TMTC2: variants seen among roughly 807,000 people sequenced by gnomAD.
TMTC2 encodes transmembrane O-mannosyltransferase targeting cadherins 2, also known as protein O-mannosyl-transferase TMTC2.
A neutral mutation model predicts 82.4 loss-of-function variants in TMTC2; 43 were observed. The ratio of observed to expected loss-of-function variants is 0.52; its 90% CI spans 0.41 to 0.67. The LOEUF (loss-of-function observed/expected upper bound fraction) is 0.67. Ranked by LOEUF, TMTC2 falls within the 30% of genes least tolerant of loss-of-function variation. The pLI is 0.00. For missense variants in TMTC2, 919 were observed against 1,012.4 expected (o/e 0.91, Z 1.25); for synonymous variants, 408 against 381.9 (o/e 1.07, Z -0.80).
intron 1 of TMTC2, among the ~76,000 whole-genome samples, chr12:82,848,204 G>A (rs1030586319): frequency 6.6e-6 from 1 of 152,004 alleles, no homozygotes; most frequent in African/African-American, 2.4e-5. Context: ...CATCCCTCAA[G>A]CTTCATTCCA....
At chr12:82,864,813 C>A (rs1334104633) in intron 2 of TMTC2, among the ~76,000 whole-genome samples, 1 of 151,302 alleles carries the variant, frequency 6.6e-6, no homozygotes, top group Non-Finnish European at 1.5e-5. Flanking sequence ...CATTTTTTAT[C>A]ATTAAATAAA....
At chr12:82,739,355 A>G (rs1034595387) in intron 1 of TMTC2, among the ~76,000 whole-genome samples, 2 of 152,060 alleles carry the variant, frequency 1.3e-5, no homozygotes, top group Admixed American at 1.3e-4. Flanking sequence ...AGGTGTGGCC[A>G]TATGATTTAG....
At chr12:82,784,872 G>A (rs1015900284) in intron 1 of TMTC2, among the ~76,000 whole-genome samples, 6 of 145,792 alleles carry the variant, frequency 4.1e-5, no homozygotes, top group East Asian at 2.1e-4. Flanking sequence ...ATTTCCTTGC[G>A]TGTGTGTCTT....
Position 82,935,385 on chromosome 12 carries a change from T to G in TMTC2, c.1598+4840T>G, listed in dbSNP as rs1182080961. Among the ~76,000 whole-genome samples, 4 of 152,270 alleles carry G rather than the reference T, an allele frequency of 2.6e-5. No individual in the cohort carries two copies. In the East Asian group the frequency reaches 7.7e-4, roughly 29 times the overall value. On this transcript the variant is annotated intron_variant, in intron 4 of 11. Transcript: ENST00000321196. Reference sequence around the variant, plus strand: ...TCATGTTGTCAAATTTACTAAAATCTGATATTTCATACAAGAAATTATTAA... The same window carrying G: ...TCATGTTGTCAAATTTACTAAAATCGGATATTTCATACAAGAAATTATTAA...
intron 1 of TMTC2, among the ~76,000 whole-genome samples, chr12:82,768,549 A>G (rs566365725): frequency 3.9e-5 from 6 of 152,164 alleles, no homozygotes; most frequent in Non-Finnish European, 5.9e-5. Context: ...TTTGCCAAAC[A>G]CCTTTTATTT....
At chr12:82,901,438 A>G (rs1054971698) in intron 3 of TMTC2, among the ~76,000 whole-genome samples, 2 of 150,464 alleles carry the variant, frequency 1.3e-5, no homozygotes, top group Non-Finnish European at 3.0e-5. Flanking sequence ...CCAAGTAGCT[A>G]GGACTACAGG....
chr12:82,916,351 T>C (rs972259679), intron 3 of TMTC2, among the ~76,000 whole-genome samples: 2 of 152,228 alleles, frequency 1.3e-5, no homozygotes, highest in Non-Finnish European at 2.9e-5. Context: ...TTAATTGTCT[T>C]TACTATAATA....
chr12:82,912,509 C>T (rs137971714), intron 3 of TMTC2, among the ~76,000 whole-genome samples: 2 of 152,140 alleles, frequency 1.3e-5, no homozygotes, highest in African/African-American at 2.4e-5. Context: ...GAAATGTTTT[C>T]CTTTTTCACC....
intron 1 of TMTC2, among the ~76,000 whole-genome samples, chr12:82,761,340 A>G (rs1413484557): frequency 6.6e-6 from 1 of 152,214 alleles, no homozygotes; most frequent in Non-Finnish European, 1.5e-5. Context: ...GTTTGTTCTT[A>G]AGAGACTTGT....
intron 11 of TMTC2, among the ~76,000 whole-genome samples, chr12:83,121,292 G>C (rs572298189): frequency 6.6e-6 from 1 of 152,210 alleles, no homozygotes; most frequent in African/African-American, 2.4e-5. Flanking sequence ...CTCTATTAGG[G>C]GGAAGGTCTA....
intron 1 of TMTC2, among the ~76,000 whole-genome samples, chr12:82,777,897 A>G (rs1470307083): frequency 1.3e-5 from 2 of 151,932 alleles, no homozygotes; most frequent in Non-Finnish European, 2.9e-5. Context: ...CTGCCTGCCC[A>G]GATGCTTCCC....
At chr12:83,066,537 G>A (rs1233119326) in intron 11 of TMTC2, among the ~76,000 whole-genome samples, 1 of 151,886 alleles carries the variant, frequency 6.6e-6, no homozygotes, top group Non-Finnish European at 1.5e-5. Context: ...AATTTAGAGT[G>A]GCGATTTATA....
At chr12:82,917,625 A>G (rs1875077482) in intron 3 of TMTC2, among the ~76,000 whole-genome samples, 1 of 151,854 alleles carries the variant, frequency 6.6e-6, no homozygotes, top group Non-Finnish European at 1.5e-5. Flanking sequence ...ATTTAGAGAC[A>G]GAGTCTCACT....
chr12:82,932,893 G>A (rs1048489656), intron 4 of TMTC2, among the ~76,000 whole-genome samples: 3 of 152,132 alleles, frequency 2.0e-5, no homozygotes, highest in African/African-American at 7.2e-5. Context: ...GAAGAGAAAT[G>A]TATTCAATTA....
chr12:83,101,083 T>C (rs1373812039), intron 11 of TMTC2, among the ~76,000 whole-genome samples: 1 of 152,236 alleles, frequency 6.6e-6, no homozygotes, highest in African/African-American at 2.4e-5. Flanking sequence ...AATAAATTTC[T>C]AAATTAAGTA....
intron 1 of TMTC2, among the ~76,000 whole-genome samples, chr12:82,781,368 G>A (rs1054388130): frequency 2.7e-5 from 4 of 145,674 alleles, no homozygotes; most frequent in African/African-American, 1.0e-4. Flanking sequence ...TCTTTGTCAC[G>A]TTTGAATAGA....
intron 4 of TMTC2, among the ~76,000 whole-genome samples, chr12:82,956,782 G>A (rs900870547): frequency 6.6e-6 from 1 of 151,924 alleles, no homozygotes; most frequent in Admixed American, 6.6e-5. Flanking sequence ...ATGAGCATAA[G>A]TAAAAAAAGT....
rs910227504 is a variant in TMTC2 at position 82,732,348 on chromosome 12, G to GT, written c.83+44689dup. On this transcript the variant is annotated intron_variant, in intron 1 of 11. Coordinates refer to ENST00000321196, the MANE Select transcript of TMTC2 (RefSeq NM_152588.3). ...CTTTTTGCATTTTGGTTCTCATCAT[G>GT]TTTTTTTTTTATGAGACGGATTCTT... 1.2e-3 allele frequency among the ~76,000 whole-genome samples: 175 copies of GT among 147,588 alleles called. No individual in the cohort carries two copies. The East Asian group carries it at 0.021, about 18-fold the overall frequency.
intron 9 of TMTC2, among the ~76,000 whole-genome samples, chr12:83,049,762 A>C (rs1882280004): frequency 6.6e-6 from 1 of 152,222 alleles, no homozygotes; most frequent in African/African-American, 2.4e-5. Context: ...AAGCTGAACT[A>C]GTTTGCATTC....
Sources: gnomAD v4.1 joint callset for allele counts (sites outside exome capture counted in the v4.1 genomes callset) on GRCh38, gnomAD v4.1.1 for gene constraint, MANE v1.5 for transcripts, NCBI Gene and HGNC (gene_info 2026-07-23, HGNC 2026-07-21) for gene names.